The following IMPG2 variants were observed in gnomAD, a reference collection of about 807,000 sequenced individuals.
IMPG2 encodes the protein IPM 200.
Under a neutral mutation model 129.2 loss-of-function variants are expected in IMPG2, and 91 were observed. That is an observed-to-expected ratio of 0.70 (90% CI 0.59 to 0.84). The LOEUF (loss-of-function observed/expected upper bound fraction) is 0.84, where lower values mean the gene tolerates loss of function less well. IMPG2 is among the 40% of genes least tolerant of loss of function. The probability of loss-of-function intolerance (pLI) is 0.00; values close to 1 mark genes in which losing one functional copy is unlikely to be tolerated. For missense variants in IMPG2, 1,430 were observed against 1,461.7 expected (o/e 0.98, Z 0.35); for synonymous variants, 510 against 517.7 (o/e 0.99, Z 0.20).
At chr3:101,254,836 C>T (rs570993148) in intron 10 of IMPG2, among the ~76,000 whole-genome samples, 1 of 152,066 alleles carries the variant, frequency 6.6e-6, no homozygotes, top group East Asian at 1.9e-4. Context: ...GGCAGATTTC[C>T]TCCTTGCTGT....
chr3:101,251,451 A>G (rs1706543255), intron 11 of IMPG2, among the ~76,000 whole-genome samples: 1 of 152,200 alleles, frequency 6.6e-6, no homozygotes, highest in African/African-American at 2.4e-5. Flanking sequence ...AAAGGTTAAC[A>G]CATACATGCC....
intron 10 of IMPG2, among the ~76,000 whole-genome samples, chr3:101,256,126 GAGAAAGAAAGAAAGAAAGAAAAGAA>G (rs1706597512): frequency 2.9e-5 from 2 of 68,060 alleles, no homozygotes; most frequent in African/African-American, 5.8e-5. Context: ...AAAAGAAAGA[GAGAAAGAAAGAAAGAAAGAAAAGAA>G]AGAAAGAAAG....
At position 101,257,553 on chromosome 3, in the gene IMPG2, G is replaced by A. The variant is rs1706623971; in HGVS notation, c.1129C>T (p.Pro377Ser). 1.9e-6 allele frequency: 3 copies of A among 1,613,324 alleles called. No homozygotes were observed. Among genetic ancestry groups the A allele is most frequent in the Non-Finnish European group, 2.5e-6 (3 of 1,179,480 alleles). Residue 377 changes from proline to serine, a missense_variant, in exon 10 of 19, where the codon CCT becomes TCT. Physicochemically the swap from Pro to Ser is moderately conservative, Grantham distance 74. Transcript: ENST00000193391. ...CCATTGATAAGCTGCAGGGAATCAG[G>A]ATCTGGATTCAAGGAAGAGTTCCCC... Reference protein sequence around the residue: ...LLGNSSLNPDPDSLQLINVRG... With the variant: ...LLGNSSLNPDSDSLQLINVRG...
In IMPG2 at chr3:101,304,257, C is replaced by T; in HGVS notation, c.390G>A (p.Gly130=). Residue 130 remains glycine (G), a synonymous_variant, in exon 3 of 19, where the codon GGG becomes GGA. Coordinates refer to ENST00000193391, the MANE Select transcript of IMPG2 (RefSeq NM_016247.4). The part of the protein sequence containing the change: ...AFRTFWDRLP[G]REEYHYWMNL... ...TCATCCAGTAATGATATTCCTCACGCCCAGGAAGTCGATCCCAAAAAGTCC... is the reference window on the plus strand; with the variant it reads ...TCATCCAGTAATGATATTCCTCACGTCCAGGAAGTCGATCCCAAAAAGTCC... 1.9e-6 allele frequency: 3 copies of T among 1,613,918 alleles called. No homozygotes were observed. Among genetic ancestry groups the T allele is most frequent in the Non-Finnish European group, 2.5e-6 (3 of 1,179,792 alleles).
In IMPG2 at chr3:101,293,042, G is replaced by A. The variant is rs1224271166; in HGVS notation, c.502-1532C>T. 2.6e-5 allele frequency among the ~76,000 whole-genome samples: 4 copies of A among 152,100 alleles called. No individual in the cohort carries two copies. In the East Asian group the frequency reaches 7.7e-4, roughly 29 times the overall value. On this transcript the variant is annotated intron_variant, in intron 3 of 18. Transcript: ENST00000193391. ...CTACTGAAGTCTTGAACCCCTCGAA[G>A]TCATCCATGAGAGTCGGAATCAACG...
rs2107222139 is a variant in IMPG2 at position 101,245,909 on chromosome 3, A to G, written c.1436T>C (p.Leu479Ser). 1 of 1,614,204 alleles carries G rather than the reference A, an allele frequency of 6.2e-7. No homozygotes were observed. Among genetic ancestry groups the G allele is most frequent in the Non-Finnish European group, 8.5e-7 (1 of 1,180,012 alleles). ...ATGAAGAGTCAAGCTGCTAACCTCTAAAACCTCTGGGGAAGAGCTGAGGCC... is the reference window on the plus strand; with the variant it reads ...ATGAAGAGTCAAGCTGCTAACCTCTGAAACCTCTGGGGAAGAGCTGAGGCC... ...KMGLSSSPEV[L>S]EVSSLTLHSV... Residue 479 changes from leucine to serine, a missense_variant, in exon 12 of 19, where the codon TTA becomes TCA. Coordinates refer to ENST00000193391, the MANE Select transcript of IMPG2 (RefSeq NM_016247.4).
intron 13 of IMPG2, among the ~76,000 whole-genome samples, chr3:101,243,295 A>G (rs1009602925): frequency 6.6e-6 from 1 of 152,202 alleles, no homozygotes; most frequent in East Asian, 1.9e-4. Flanking sequence ...ATGGAAAACA[A>G]TCTTCCTTGT....
chr3:101,245,821 TC>T lies in IMPG2; in HGVS notation c.1523del (p.Gly508AspfsTer5), dbSNP rs1257069525. 2.5e-6 allele frequency: 4 copies of T among 1,613,996 alleles called. No individual in the cohort carries two copies. The highest frequency in any genetic ancestry group is 3.4e-6 in the Non-Finnish European group (4 of 1,179,966). ...TCTCACCATCTTCTACCAAGTGAGA[TC>T]CAGAAGTCCTTTCCTCAGAAGCCAC... is the stretch of plus-strand genomic sequence containing the variant. ...LPVASEERTS[G>X]SHLVEDGLAN... On this transcript the variant is annotated frameshift_variant, in exon 12 of 19. Transcript: ENST00000193391. LOFTEE classifies it high-confidence loss of function.
intron 11 of IMPG2, 112 bp from the exon 12 acceptor site, chr3:101,246,217 G>T (rs548569496): frequency 1.0e-6 from 1 of 976,896 alleles, no homozygotes; most frequent in Non-Finnish European, 1.5e-6. Context: ...ACAAGGAGGC[G>T]GTGTATTAAT....
chr3:101,279,606 G>A (rs1364090117), intron 4 of IMPG2, among the ~76,000 whole-genome samples: 1 of 152,182 alleles, frequency 6.6e-6, no homozygotes, highest in Non-Finnish European at 1.5e-5. Context: ...TCACAATAAG[G>A]CAAAGGTATG....
chr3:101,301,379 T>C (rs921846826), intron 3 of IMPG2, among the ~76,000 whole-genome samples: 6 of 152,208 alleles, frequency 3.9e-5, no homozygotes, highest in African/African-American at 1.4e-4. Flanking sequence ...TCATAAACCT[T>C]TGATTTGTAA....
chr3:101,233,070 C>A (rs1706308024), intron 14 of IMPG2, 79 bp from the exon 15 acceptor site: 3 of 1,327,738 alleles, frequency 2.3e-6, no homozygotes, highest in South Asian at 2.4e-5. Flanking sequence ...CATTAAAGTT[C>A]TCCCCCAAAG....
At position 101,282,604 on chromosome 3, in the gene IMPG2, C is replaced by A. The variant is rs184259795; in HGVS notation, c.534-5891G>T. 4.4e-4 allele frequency among the ~76,000 whole-genome samples: 67 copies of A among 152,226 alleles called. No individual in the cohort carries two copies. In the East Asian group the frequency reaches 0.012, roughly 27 times the overall value. ...CTATTTATTTGTAAATTTGTTTCAA[C>A]ATGATTAATATATTAAGAAACAGTT... is the stretch of plus-strand genomic sequence containing the variant. On this transcript the variant is annotated intron_variant, in intron 4 of 18. Coordinates refer to ENST00000193391, the MANE Select transcript of IMPG2 (RefSeq NM_016247.4).
chr3:101,234,714 G>A lies in IMPG2; in HGVS notation c.3023-1723C>T, dbSNP rs1018262950. On this transcript the variant is annotated intron_variant, in intron 14 of 18. Transcript: ENST00000193391. Reference sequence around the variant, plus strand: ...CCTTACCCAGCAGTGAGGGATAGGAGTGTCTATAGGGGTGAGGAAGATGGT... The same window carrying A: ...CCTTACCCAGCAGTGAGGGATAGGAATGTCTATAGGGGTGAGGAAGATGGT... 2.6e-5 allele frequency among the ~76,000 whole-genome samples: 4 copies of A among 152,166 alleles called. No homozygotes were observed. The South Asian group carries it at 6.2e-4, about 24-fold the overall frequency.
intron 3 of IMPG2, among the ~76,000 whole-genome samples, chr3:101,298,447 AGTTG>A: frequency 6.6e-6 from 1 of 152,232 alleles, no homozygotes. Context: ...TCATGATGCT[AGTTG>A]GTTATTTTTG....
chr3:101,256,430 C>A (rs1418772779), intron 10 of IMPG2, among the ~76,000 whole-genome samples: 2 of 151,944 alleles, frequency 1.3e-5, no homozygotes, highest in Admixed American at 6.6e-5. Context: ...TCTAAAAATT[C>A]TCCTTCCAAG....
rs775456659 is a variant in IMPG2 at position 101,243,600 on chromosome 3, TC to T, written c.2730del (p.Met910IlefsTer23). The T allele has an allele frequency of 1.9e-6, 3 of 1,613,862 alleles. No homozygotes were observed. The highest frequency in any genetic ancestry group is 2.5e-6 in the Non-Finnish European group (3 of 1,179,912). On this transcript the variant is annotated frameshift_variant, in exon 13 of 19. Coordinates refer to ENST00000193391, the MANE Select transcript of IMPG2 (RefSeq NM_016247.4). LOFTEE classifies it high-confidence loss of function. ...VVFFSLRVTNMMFSEDLFNKN... is the reference protein window; with the variant it reads ...VVFFSLRVTNXMFSEDLFNKN... ...TTATTAAACAGATCTTCTGAAAACA[TC>T]ATGTTAGTCACTCGGAGGCTGAAGA...
At chr3:101,230,928 T>C in intron 16 of IMPG2, 29 bp downstream of exon 16, 1 of 1,587,166 alleles carries the variant, frequency 6.3e-7, no homozygotes, top group Non-Finnish European at 8.6e-7. Context: ...AACATTGTAT[T>C]CCATTAGAGA....
intron 4 of IMPG2, among the ~76,000 whole-genome samples, chr3:101,280,282 A>T (rs940328508): frequency 6.6e-6 from 1 of 152,248 alleles, no homozygotes; most frequent in African/African-American, 2.4e-5. Flanking sequence ...ACAGGTTCAT[A>T]TGCAGATTCC....
Sources: allele counts gnomAD v4.1 joint callset (sites outside exome capture counted in the v4.1 genomes callset), GRCh38; gene constraint gnomAD v4.1.1; transcripts MANE v1.5; gene names NCBI Gene and HGNC (gene_info 2026-07-23, HGNC 2026-07-21).